The following WDR7 variants were observed in gnomAD, a reference collection of about 807,000 sequenced individuals.
The protein encoded by WDR7 is WD repeat-containing protein 7.
A neutral mutation model predicts 169.4 loss-of-function variants in WDR7; 46 were observed. The observed-to-expected ratio is 0.27, with a 90% CI of 0.21 to 0.35. WDR7 has a LOEUF of 0.35. WDR7 is among the 10% of genes least tolerant of loss of function. The pLI is 1.00. For synonymous variants in WDR7, 612 were observed against 666.8 expected, an observed-to-expected ratio of 0.92 and a Z score of 1.27; for missense variants, 1,534 against 1,859.3, an observed-to-expected ratio of 0.83 and a Z score of 3.22.
intron 14 of WDR7, among the ~76,000 whole-genome samples, chr18:56,744,118 A>G (rs2144869048): frequency 1.3e-5 from 2 of 151,796 alleles, no homozygotes; most frequent in Middle Eastern, 6.8e-3. Flanking sequence ...GGGCGCCTGT[A>G]GTCCCAGCTA....
intron 21 of WDR7, among the ~76,000 whole-genome samples, chr18:56,911,793 G>A (rs938428885): frequency 6.6e-6 from 1 of 152,128 alleles, no homozygotes; most frequent in Admixed American, 6.5e-5. Flanking sequence ...TAGCTTATGT[G>A]AATTATTTAA....
intron 19 of WDR7, among the ~76,000 whole-genome samples, chr18:56,783,631 C>G (rs1163777517): frequency 6.6e-6 from 1 of 152,126 alleles, no homozygotes; most frequent in Non-Finnish European, 1.5e-5. Context: ...AGTAGAATAA[C>G]TAGCTGGCAG....
chr18:56,705,607 G>C (rs1185163350), intron 12 of WDR7, among the ~76,000 whole-genome samples: 1 of 152,180 alleles, frequency 6.6e-6, no homozygotes, highest in Admixed American at 6.5e-5. Context: ...ATGTTTTCCT[G>C]ACTAGTACCT....
At chr18:56,865,314 G>A (rs2045867403) in intron 20 of WDR7, among the ~76,000 whole-genome samples, 1 of 151,944 alleles carries the variant, frequency 6.6e-6, no homozygotes, top group African/African-American at 2.4e-5. Context: ...AGGTTTATTT[G>A]GTCTCACCTT....
intron 16 of WDR7, among the ~76,000 whole-genome samples, chr18:56,768,542 G>A (rs1487305984): frequency 6.6e-6 from 1 of 152,162 alleles, no homozygotes; most frequent in Non-Finnish European, 1.5e-5. Flanking sequence ...TGAGTAGTAT[G>A]TGTCTAGTCG....
chr18:56,738,407 A>AGGC (rs2144839332), intron 14 of WDR7, among the ~76,000 whole-genome samples: 1 of 152,156 alleles, frequency 6.6e-6, no homozygotes, highest in East Asian at 1.9e-4. Context: ...CCTCTACAAA[A>AGGC]ATTAGCCAGG....
In WDR7 at chr18:56,679,435, G is replaced by C. The variant is rs1378094172; in HGVS notation, c.263G>C (p.Ser88Thr). The C allele has an allele frequency of 1.3e-6, 2 of 1,599,944 alleles. No homozygotes were observed. The change falls in exon 3 of 28, where the codon AGT becomes ACT. Residue 88 changes from serine (S) to threonine (T), a missense_variant. Physicochemically the swap from Ser to Thr is moderately conservative, Grantham distance 58. Coordinates refer to ENST00000254442, the MANE Select transcript of WDR7 (RefSeq NM_015285.3). ...CAGTATATTGTGAGTGCATCTGAAA[G>C]TGGGTAAGTATTTTCTCATTTGCCT... The part of the protein sequence containing the change: ...DKQYIVSASE[S>T]GEMCLWDVSD...
chr18:56,835,800 A>C (rs1204502222), intron 20 of WDR7, among the ~76,000 whole-genome samples: 1 of 152,214 alleles, frequency 6.6e-6, no homozygotes, highest in Admixed American at 6.5e-5. Flanking sequence ...GATTATTCAC[A>C]TACTGTATTA....
intron 19 of WDR7, among the ~76,000 whole-genome samples, chr18:56,811,752 T>C (rs900270082): frequency 1.3e-5 from 2 of 152,140 alleles, no homozygotes; most frequent in Admixed American, 6.6e-5. Flanking sequence ...CCCCATCGAA[T>C]TGGTTTTGCA....
chr18:56,924,045 A>G lies in WDR7; in HGVS notation c.3650A>G (p.Asp1217Gly), dbSNP rs1368632690. 6.2e-7 allele frequency: 1 copy of G among 1,613,332 alleles called. No homozygotes were observed. The highest frequency in any genetic ancestry group is 8.5e-7 in the Non-Finnish European group (1 of 1,179,776). The stretch of plus-strand genomic sequence containing the variant: ...TTCACTGTTTGGGAGCCTTACATGG[A>G]TGTGTCCGCTGTTCTGATGGGGCTT... Reference protein sequence around the residue: ...RGFTVWEPYMDVSAVLMGLLE... With the variant: ...RGFTVWEPYMGVSAVLMGLLE... The change falls in exon 22 of 28, where the codon GAT becomes GGT. Residue 1217 changes from aspartate to glycine, a missense_variant. By Grantham distance (94) the Asp-to-Gly change is moderately conservative (BLOSUM62 -1). Coordinates refer to ENST00000254442, the MANE Select transcript of WDR7 (RefSeq NM_015285.3).
intron 20 of WDR7, among the ~76,000 whole-genome samples, chr18:56,847,079 G>A (rs1175010511): frequency 6.6e-6 from 1 of 152,192 alleles, no homozygotes; most frequent in Admixed American, 6.5e-5. Context: ...GAATTCCTAA[G>A]AGACTTTTTA....
intron 14 of WDR7, among the ~76,000 whole-genome samples, chr18:56,739,876 ATT>A (rs58692081): frequency 5.1e-5 from 7 of 138,064 alleles, no homozygotes; most frequent in Admixed American, 7.2e-5. Flanking sequence ...CCTAGATGTG[ATT>A]TTTTTTTTTT....
intron 19 of WDR7, among the ~76,000 whole-genome samples, chr18:56,789,190 G>A (rs949921843): frequency 3.9e-5 from 6 of 152,170 alleles, no homozygotes; most frequent in South Asian, 2.1e-4. Context: ...AGGGAAATTC[G>A]TTCCATGTGA....
At chr18:56,718,303 CTTT>C (rs566539336) in intron 13 of WDR7, 144 bp downstream of exon 13, 6 of 841,628 alleles carry the variant, frequency 7.1e-6, no homozygotes, top group Non-Finnish European at 1.1e-5. Flanking sequence ...TAAGTGGCCT[CTTT>C]TTTGTTCTGC....
intron 21 of WDR7, among the ~76,000 whole-genome samples, chr18:56,885,141 C>T (rs148928941): frequency 0.018 from 2,679 of 152,194 alleles, 63 homozygotes; most frequent in African/African-American, 0.06. Flanking sequence ...TGAACAGCAG[C>T]CTTGAGCCCC....
Position 56,816,037 on chromosome 18 carries a change from T to G in WDR7, c.3197T>G (p.Val1066Gly), listed in dbSNP as rs371792712. The change falls in exon 20 of 28, where the codon GTC (valine) becomes GGC (glycine). Residue 1066 changes from valine (V) to glycine (G), a missense_variant. Val to Gly is a moderately radical substitution (Grantham distance 109). Transcript: ENST00000254442. Reference protein sequence around the residue: ...QYIDHVISPGVTSEAAQTITT... With the variant: ...QYIDHVISPGGTSEAAQTITT... ...TGATTCATATTTGTTTTAGCTGGAG[T>G]CACATCAGAAGCCGCGCAGACTATC... is the stretch of plus-strand genomic sequence containing the variant. The G allele has an allele frequency of 4.7e-5, 75 of 1,593,342 alleles. No individual in the cohort carries two copies. The highest frequency in any genetic ancestry group is 6.0e-5 in the Non-Finnish European group (70 of 1,173,486).
chr18:56,726,520 T>A (rs1432286265), intron 13 of WDR7, among the ~76,000 whole-genome samples: 1 of 152,224 alleles, frequency 6.6e-6, no homozygotes, highest in Non-Finnish European at 1.5e-5. Flanking sequence ...GAGACTTTGC[T>A]GAAGTTGCTT....
At chr18:56,870,109 C>T (rs747391804) in intron 20 of WDR7, among the ~76,000 whole-genome samples, 5 of 152,076 alleles carry the variant, frequency 3.3e-5, no homozygotes, top group African/African-American at 4.8e-5. Context: ...ACTTCAAAGA[C>T]TTGGGGTACA....
At chr18:56,735,416 G>A (rs1230850055) in intron 14 of WDR7, among the ~76,000 whole-genome samples, 3 of 152,092 alleles carry the variant, frequency 2.0e-5, no homozygotes, top group African/African-American at 7.2e-5. Flanking sequence ...TAGGAGTTGG[G>A]GTGTGTGCAA....
Sources: gnomAD v4.1 joint callset for allele counts (sites outside exome capture counted in the v4.1 genomes callset) on GRCh38, gnomAD v4.1.1 for gene constraint, MANE v1.5 for transcripts, NCBI Gene and HGNC (gene_info 2026-07-23, HGNC 2026-07-21) for gene names.